The following CACNB4 variants were observed in gnomAD, a reference collection of about 807,000 sequenced individuals.
The protein encoded by CACNB4 is calcium voltage-gated channel auxiliary subunit beta 4.
A neutral mutation model predicts 71.2 loss-of-function variants in CACNB4; 32 were observed. The ratio of observed to expected loss-of-function variants is 0.45; its 90% CI spans 0.34 to 0.60. The LOEUF is 0.60. Ranked by LOEUF, CACNB4 falls within the 20% of genes least tolerant of loss-of-function variation. CACNB4 has a pLI of 0.01. For synonymous variants in CACNB4, 231 were observed against 236.9 expected (o/e 0.97, Z 0.23); for missense variants, 464 against 647.9 (o/e 0.72, Z 3.08).
chr2:151,916,705 A>G (rs2151555480), intron 2 of CACNB4, among the ~76,000 whole-genome samples: 1 of 152,370 alleles, frequency 6.6e-6, no homozygotes, highest in East Asian at 1.9e-4. Context: ...AGGAAACATC[A>G]GACTACTATT....
chr2:152,074,641 C>CCACCA (rs1686898411), intron 2 of CACNB4, among the ~76,000 whole-genome samples: 10 of 117,884 alleles, frequency 8.5e-5, no homozygotes, highest in African/African-American at 3.4e-4. Flanking sequence ...ATTACCACCT[C>CCACCA]TATCATCACC....
rs181319915 is a variant in CACNB4, at chr2:151,862,085, G to A, written c.759-1265C>T. Among the ~76,000 whole-genome samples, 531 of 152,246 alleles carry A rather than the reference G, an allele frequency of 3.5e-3. 2 individuals carry two copies. The highest frequency in any genetic ancestry group is 6.0e-3 in the Non-Finnish European group (410 of 68,026). On this transcript the variant is annotated intron_variant, in intron 9 of 13. Coordinates refer to ENST00000539935, the MANE Select transcript of CACNB4 (RefSeq NM_000726.5). Reference sequence around the variant, plus strand: ...ATCTTCACAGCATGGTTCCCAGAAAGGAGACAAGGAAAGTAGCACCCCTCC... The same window carrying A: ...ATCTTCACAGCATGGTTCCCAGAAAAGAGACAAGGAAAGTAGCACCCCTCC...
In CACNB4 at chr2:152,079,323, C is replaced by T. The variant is rs190166958; in HGVS notation, c.147+19007G>A. On this transcript the variant is annotated intron_variant, in intron 2 of 13. Transcript: ENST00000539935. Reference sequence around the variant, plus strand: ...CAGGATGGTCTCGATCTCCTGACCTCGTGATCCGCCTGCCTCAGCCTCCCA... The same window carrying T: ...CAGGATGGTCTCGATCTCCTGACCTTGTGATCCGCCTGCCTCAGCCTCCCA... Among the ~76,000 whole-genome samples the T allele has an allele frequency of 3.5e-4, 53 of 152,144 alleles. No homozygotes were observed. The South Asian group carries it at 5.6e-3, about 16-fold the overall frequency.
rs77232034 is a variant in CACNB4, at chr2:152,046,123, A to G, written c.147+52207T>C. ...TTTTAGATAAACAAGAACAAAAATG[A>G]GTTATTAAGAAGGAAGTGGCAATTA... On this transcript the variant is annotated intron_variant, in intron 2 of 13. Transcript: ENST00000539935. Among the ~76,000 whole-genome samples the G allele has an allele frequency of 5.6e-3, 855 of 152,344 alleles. 6 individuals are homozygous for G. Among genetic ancestry groups the G allele is most frequent in the African/African-American group, 0.019 (809 of 41,578 alleles).
intron 2 of CACNB4, among the ~76,000 whole-genome samples, chr2:151,976,008 T>C (rs2099873719): frequency 6.6e-6 from 1 of 152,138 alleles, no homozygotes; most frequent in South Asian, 2.1e-4. Context: ...CGTGGAGCGC[T>C]CCCTATAGCC....
In CACNB4 at chr2:152,005,444, C is replaced by G. The variant is rs193164246; in HGVS notation, c.147+92886G>C. Among the ~76,000 whole-genome samples, 19 of 152,254 alleles carry G rather than the reference C, an allele frequency of 1.2e-4. 1 individual carries two copies. The East Asian group carries it at 3.3e-3, about 26-fold the overall frequency. On this transcript the variant is annotated intron_variant, in intron 2 of 13. Coordinates refer to ENST00000539935, the MANE Select transcript of CACNB4 (RefSeq NM_000726.5). ...AATGGAAAATCAAGAACTGAATGTT[C>G]TCACTTATAAGTGAGAGCTAAAATT...
intron 4 of CACNB4, among the ~76,000 whole-genome samples, chr2:151,877,367 T>C (rs1455518533): frequency 6.6e-6 from 1 of 152,202 alleles, no homozygotes; most frequent in Non-Finnish European, 1.5e-5. Flanking sequence ...AGACTGGACC[T>C]GTGGGCTATA....
chr2:151,962,679 C>T (rs945453974), intron 2 of CACNB4, among the ~76,000 whole-genome samples: 1 of 152,242 alleles, frequency 6.6e-6, no homozygotes, highest in African/African-American at 2.4e-5. Context: ...GTCTTTGTGA[C>T]ATTCTCTAGC....
chr2:151,835,168 T>C lies in CACNB4; in HGVS notation c.*3951A>G, dbSNP rs1042396638. 7 of 151,946 alleles carry C rather than the reference T, an allele frequency of 4.6e-5. No individual in the cohort carries two copies. Among genetic ancestry groups the C allele is most frequent in the Non-Finnish European group, 7.4e-5 (5 of 67,808 alleles). 9.4% of individuals were successfully genotyped at this position (151,946 alleles called of 1,614,324 possible). ...CCTTTAGACTTAGAACTAGATATTA[T>C]AACAAGTTGCACACAAAGGCAATTC... On this transcript the variant is annotated 3_prime_UTR_variant, in exon 14 of 14. Coordinates refer to ENST00000539935, the MANE Select transcript of CACNB4 (RefSeq NM_000726.5).
At position 151,906,138 on chromosome 2, in the gene CACNB4, T is replaced by C. The variant is rs1253357909; in HGVS notation, c.148-22768A>G. 2.0e-5 allele frequency among the ~76,000 whole-genome samples: 3 copies of C among 152,258 alleles called. No individual in the cohort carries two copies. In the East Asian group the frequency reaches 5.8e-4, roughly 29 times the overall value. ...AAACTTGACATTTTTCTCCAAAAAGTTGAGGGACGCTACATCAACAGAAAT... is the reference window on the plus strand; with the variant it reads ...AAACTTGACATTTTTCTCCAAAAAGCTGAGGGACGCTACATCAACAGAAAT... On this transcript the variant is annotated intron_variant, in intron 2 of 13. Transcript: ENST00000539935.
chr2:151,987,194 G>A (rs1480250677), intron 2 of CACNB4, among the ~76,000 whole-genome samples: 5 of 152,192 alleles, frequency 3.3e-5, no homozygotes, highest in African/African-American at 1.2e-4. Flanking sequence ...CAACATATGA[G>A]CACTACTACA....
chr2:151,976,448 T>G (rs2099873819), intron 2 of CACNB4, among the ~76,000 whole-genome samples: 1 of 152,206 alleles, frequency 6.6e-6, no homozygotes, highest in African/African-American at 2.4e-5. Flanking sequence ...AGAAGTCACT[T>G]TTTTGGGGAA....
At chr2:151,976,242 A>G (rs1485140670) in intron 2 of CACNB4, among the ~76,000 whole-genome samples, 3 of 152,190 alleles carry the variant, frequency 2.0e-5, no homozygotes, top group Non-Finnish European at 2.9e-5. Flanking sequence ...CTGGACTCAG[A>G]ATCATAAACT....
rs558558084 is a variant in CACNB4 at position 151,837,159 on chromosome 2, T to A, written c.*1960A>T. 6.6e-6 allele frequency: 1 copy of A among 152,124 alleles called. No homozygotes were observed. The highest frequency in any genetic ancestry group is 2.1e-4 in the South Asian group (1 of 4,830). The allele number at this position is 152,124 out of a possible 1,614,324, so 9.4% of individuals were successfully genotyped here. ...TCTTTTAAAATGTCTTAACTGAAAGTTTTATAAGCTTCACTAGATGACAGA... is the reference window on the plus strand; with the variant it reads ...TCTTTTAAAATGTCTTAACTGAAAGATTTATAAGCTTCACTAGATGACAGA... On this transcript the variant is annotated 3_prime_UTR_variant, in exon 14 of 14. Coordinates refer to ENST00000539935, the MANE Select transcript of CACNB4 (RefSeq NM_000726.5).
At chr2:151,923,071 G>A (rs1032027544) in intron 2 of CACNB4, among the ~76,000 whole-genome samples, 9 of 152,240 alleles carry the variant, frequency 5.9e-5, no homozygotes, top group African/African-American at 1.9e-4. Flanking sequence ...GTCTGAATGG[G>A]TGTGAGGCAA....
chr2:151,920,891 C>T (rs2099858813), intron 2 of CACNB4, among the ~76,000 whole-genome samples: 1 of 152,128 alleles, frequency 6.6e-6, no homozygotes, highest in South Asian at 2.1e-4. Flanking sequence ...GTAATCCTAG[C>T]ACTTTGGGAG....
intron 2 of CACNB4, among the ~76,000 whole-genome samples, chr2:151,935,310 A>G (rs2099862662): frequency 6.6e-6 from 1 of 152,240 alleles, no homozygotes; most frequent in African/African-American, 2.4e-5. Flanking sequence ...ATATCTGACT[A>G]ATTTTCTAAG....
chr2:151,893,061 G>C (rs982292209), intron 2 of CACNB4, among the ~76,000 whole-genome samples: 1 of 152,090 alleles, frequency 6.6e-6, no homozygotes, highest in Non-Finnish European at 1.5e-5. Flanking sequence ...AACTACAAAA[G>C]TTAAACATGT....
intron 2 of CACNB4, among the ~76,000 whole-genome samples, chr2:152,054,817 G>A (rs1289066078): frequency 6.6e-6 from 1 of 152,132 alleles, no homozygotes; most frequent in Non-Finnish European, 1.5e-5. Flanking sequence ...TCCTCCTGGT[G>A]ACTAATGATA....
Sources: allele counts gnomAD v4.1 joint callset (sites outside exome capture counted in the v4.1 genomes callset), GRCh38; gene constraint gnomAD v4.1.1; transcripts MANE v1.5; gene names NCBI Gene and HGNC (gene_info 2026-07-23, HGNC 2026-07-21).